Variants in CRISP1 observed in about 807,000 individuals in gnomAD.
The protein encoded by CRISP1 is cysteine-rich secretory protein 1.
Under a neutral mutation model 33.1 loss-of-function variants are expected in CRISP1, and 44 were observed. The observed-to-expected ratio is 1.33, with a 90% CI of 1.05 to 1.71. The LOEUF (loss-of-function observed/expected upper bound fraction) is 1.71. Ranked by LOEUF, CRISP1 falls within the 40% of genes most tolerant of loss-of-function variation. The probability of loss-of-function intolerance (pLI) is 0.00; values close to 1 mark genes in which losing one functional copy is unlikely to be tolerated. For synonymous variants in CRISP1, 103 were observed against 98.7 expected (o/e 1.04, Z -0.26); for missense variants, 390 against 301.2 (o/e 1.29, Z -2.18).
At chr6:49,847,064 T>A (rs1771199762) in intron 4 of CRISP1, among the ~76,000 whole-genome samples, 1 of 152,186 alleles carries the variant, frequency 6.6e-6, no homozygotes, top group African/African-American at 2.4e-5. Flanking sequence ...ATTTAGCCAT[T>A]CATGTATGGT....
chr6:49,848,162 T>TG, intron 4 of CRISP1, 47 bp downstream of exon 4: 1 of 678,056 alleles, frequency 1.5e-6, no homozygotes, highest in Non-Finnish European at 2.1e-6. Flanking sequence ...GTTTTACTAT[T>TG]TTTTTTTTTT....
At chr6:49,865,672 T>C (rs1301787854) in intron 1 of CRISP1, among the ~76,000 whole-genome samples, 3 of 151,936 alleles carry the variant, frequency 2.0e-5, no homozygotes, top group African/African-American at 7.3e-5. Context: ...ATTAATGGGA[T>C]TGAGATAGAA....
rs112809834 is a variant in CRISP1 at position 49,844,673 on chromosome 6, A to C, written c.435+1847T>G. Among the ~76,000 whole-genome samples the C allele has an allele frequency of 8.8e-3, 1,339 of 151,802 alleles. 21 individuals are homozygous for C. The highest frequency in any genetic ancestry group is 0.03 in the African/African-American group (1,249 of 41,522). On this transcript the variant is annotated intron_variant, in intron 5 of 7. Transcript: ENST00000335847. ...GCCTCCAAGTTGGCCAAGAGTGCAG[A>C]GCATCAAACCAAAGAGAATTATTCT...
chr6:49,876,087 A>C (rs1416252557), intron 1 of CRISP1, among the ~76,000 whole-genome samples: 2 of 152,214 alleles, frequency 1.3e-5, no homozygotes, highest in African/African-American at 2.4e-5. Context: ...AGCAAAAGAA[A>C]CTATCATCAG....
upstream of CRISP1, among the ~76,000 whole-genome samples, chr6:49,869,005 A>G (rs1771863498): frequency 6.6e-6 from 1 of 152,178 alleles, no homozygotes; most frequent in South Asian, 2.1e-4. Flanking sequence ...ATGAAAGTCA[A>G]TATACATTTA....
chr6:49,873,619 T>C (rs1005068354), intron 1 of CRISP1, among the ~76,000 whole-genome samples: 16 of 152,220 alleles, frequency 1.1e-4, no homozygotes, highest in African/African-American at 3.8e-4. Flanking sequence ...ACAAAATGGA[T>C]CAAAAGGAAC....
chr6:49,873,029 A>G lies in CRISP1; in HGVS notation c.-3+3980T>C, dbSNP rs575229487. 7.9e-5 allele frequency among the ~76,000 whole-genome samples: 12 copies of G among 152,250 alleles called. No homozygotes were observed. In the South Asian group the frequency reaches 2.3e-3, roughly 29 times the overall value. On this transcript the variant is annotated intron_variant, in intron 1 of 7. Coordinates refer to the CRISP1 transcript ENST00000505118. ...TTCATGATATTGATTCTTCCTACCC[A>G]TGAGCATGGAATGATAGCATTTGGA... is the stretch of plus-strand genomic sequence containing the variant.
intron 3 of CRISP1, among the ~76,000 whole-genome samples, chr6:49,851,251 C>A (rs1222578437): frequency 6.6e-6 from 1 of 152,094 alleles, no homozygotes; most frequent in African/African-American, 2.4e-5. Flanking sequence ...CCTCCAGAGC[C>A]TGCACTATTT....
In CRISP1 at chr6:49,840,924, A is replaced by T; in HGVS notation, c.507T>A (p.Tyr169Ter). The change falls in exon 6 of 8, where the codon TAT becomes TAA. Residue 169 changes from tyrosine (Y) to a stop codon, truncating the protein, a stop_gained. Coordinates refer to ENST00000335847, the MANE Select transcript of CRISP1 (RefSeq NM_001131.3). LOFTEE classifies it high-confidence loss of function. ...CATGACAATAGTGACAAACGTAGAG[A>T]TATCGAGGTGATCCTTGTTGGCGGC... ...ASCRQQGSPR[Y>*]LYVCHYCHEG... 1.2e-6 allele frequency: 2 copies of T among 1,613,852 alleles called. No homozygotes were observed. The highest frequency in any genetic ancestry group is 8.5e-7 in the Non-Finnish European group (1 of 1,179,830).
chr6:49,853,297 T>G (rs1295925158), intron 2 of CRISP1, among the ~76,000 whole-genome samples: 1 of 152,144 alleles, frequency 6.6e-6, no homozygotes, highest in African/African-American at 2.4e-5. Flanking sequence ...CATTTTCCTC[T>G]CACACCTCAT....
chr6:49,860,501 A>T (rs1211569053), intron 1 of CRISP1, among the ~76,000 whole-genome samples: 1 of 152,172 alleles, frequency 6.6e-6, no homozygotes, highest in African/African-American at 2.4e-5. Context: ...GAACTTAAAC[A>T]ACAGACTCCT....
chr6:49,854,956 T>G (rs1026727791), intron 2 of CRISP1, among the ~76,000 whole-genome samples: 8 of 152,170 alleles, frequency 5.3e-5, no homozygotes, highest in Non-Finnish European at 1.2e-4. Flanking sequence ...TGGGAAACCC[T>G]ACATTAGAAA....
upstream of CRISP1, among the ~76,000 whole-genome samples, chr6:49,866,938 T>TA (rs1210198469): frequency 6.6e-6 from 1 of 152,102 alleles, no homozygotes; most frequent in Non-Finnish European, 1.5e-5. Context: ...TACACAATCT[T>TA]ATGGAGTTTG....
upstream of CRISP1, among the ~76,000 whole-genome samples, chr6:49,868,198 G>A (rs58662430): frequency 0.034 from 5,160 of 152,228 alleles, 296 homozygotes; most frequent in African/African-American, 0.12. Context: ...TGGAAAGCAA[G>A]GAATAACTTG....
At chr6:49,859,942 A>T (rs1230913890) in intron 1 of CRISP1, among the ~76,000 whole-genome samples, 1 of 152,136 alleles carries the variant, frequency 6.6e-6, no homozygotes, top group Non-Finnish European at 1.5e-5. Context: ...AATGGAAACC[A>T]AAACCAAGCA....
rs1184294149 is a variant in CRISP1 at position 49,840,999 on chromosome 6, C to A, written c.436-4G>T. On this transcript the variant is annotated splice_region_variant and splice_polypyrimidine_tract_variant and intron_variant, in intron 5 of 7. Transcript: ENST00000335847. ...GGTAAGATGTGGCCCAAACAATCTG[C>A]AATGATAAAGAGTTGTTTTATTACA... 28 of 1,610,328 alleles carry A rather than the reference C, an allele frequency of 1.7e-5. No homozygotes were observed. Among genetic ancestry groups the A allele is most frequent in the Non-Finnish European group, 2.4e-5 (28 of 1,176,900 alleles).
rs921138445 is a variant in CRISP1 at position 49,840,496 on chromosome 6, C to T, written c.533+402G>A. Among the ~76,000 whole-genome samples the T allele has an allele frequency of 2.0e-5, 3 of 152,146 alleles. No homozygotes were observed. The South Asian group carries it at 6.2e-4, about 31-fold the overall frequency. On this transcript the variant is annotated intron_variant, in intron 6 of 7. Coordinates refer to ENST00000335847, the MANE Select transcript of CRISP1 (RefSeq NM_001131.3). ...CTGCATGTCTGTCCTTTTGGTCTAA[C>T]AATACTCTTGTTTTGTTGAAGTAAA...
At chr6:49,844,627 C>T (rs775019293) in intron 5 of CRISP1, among the ~76,000 whole-genome samples, 39 of 128,550 alleles carry the variant, frequency 3.0e-4, no homozygotes, top group Admixed American at 8.1e-4. Flanking sequence ...AAAGGCTGCC[C>T]ACAGAGCCAT....
intron 1 of CRISP1, among the ~76,000 whole-genome samples, chr6:49,864,771 G>T (rs772965155): frequency 6.6e-6 from 1 of 151,636 alleles, no homozygotes; most frequent in African/African-American, 2.4e-5. Flanking sequence ...TTTCTTATTC[G>T]CTTGTATGAA....
Sources: allele counts gnomAD v4.1 joint callset (sites outside exome capture counted in the v4.1 genomes callset), GRCh38; gene constraint gnomAD v4.1.1; transcripts MANE v1.5; gene names NCBI Gene and HGNC (gene_info 2026-07-23, HGNC 2026-07-21).